LRRC7: variants seen among roughly 807,000 people sequenced by gnomAD.
LRRC7 encodes leucine-rich repeat-containing protein 7.
LRRC7 carries 23 observed loss-of-function variants against 175.7 expected under a neutral mutation model. That is an observed-to-expected ratio of 0.13 (90% CI 0.09 to 0.19). The LOEUF (loss-of-function observed/expected upper bound fraction) is 0.19. Ranked by LOEUF, LRRC7 falls within the 10% of genes least tolerant of loss-of-function variation. The pLI, the probability that LRRC7 is intolerant of heterozygous loss-of-function variation, is 1.00. For synonymous variants in LRRC7, 685 were observed against 680.9 expected (o/e 1.01, Z -0.09); for missense variants, 1,354 against 1,904.7 (o/e 0.71, Z 5.38).
intron 1 of LRRC7, among the ~76,000 whole-genome samples, chr1:69,653,375 C>T (rs1032432406): frequency 8.0e-5 from 12 of 150,038 alleles, no homozygotes; most frequent in Non-Finnish European, 1.6e-4. Flanking sequence ...TGAAAAGATG[C>T]TCAGCATCAC....
chr1:69,595,836 A>G (rs1027620453), intron 1 of LRRC7, among the ~76,000 whole-genome samples: 2 of 152,016 alleles, frequency 1.3e-5, no homozygotes, highest in Non-Finnish European at 2.9e-5. Flanking sequence ...CTTAACTACA[A>G]TTATACCATT....
chr1:69,787,698 G>A (rs1438313290), intron 3 of LRRC7, among the ~76,000 whole-genome samples: 3 of 152,138 alleles, frequency 2.0e-5, no homozygotes, highest in Non-Finnish European at 4.4e-5. Context: ...TGCCGCAAAG[G>A]TCTCCGACAT....
intron 11 of LRRC7, among the ~76,000 whole-genome samples, chr1:70,004,187 A>G (rs750362417): frequency 2.0e-5 from 3 of 152,210 alleles, no homozygotes; most frequent in Non-Finnish European, 2.9e-5. Flanking sequence ...CGTTTTCGTC[A>G]TACTTTCACT....
chr1:69,762,222 G>A (rs542003128), intron 3 of LRRC7, among the ~76,000 whole-genome samples: 1 of 151,928 alleles, frequency 6.6e-6, no homozygotes, highest in Non-Finnish European at 1.5e-5. Flanking sequence ...TTGTAAGATA[G>A]GTAGTAAAAA....
chr1:69,873,822 G>GA (rs1473694409), intron 7 of LRRC7: 2 of 156,650 alleles, frequency 1.3e-5, no homozygotes, highest in Non-Finnish European at 2.8e-5. Context: ...ATCAGTCTCA[G>GA]AAAAACATTA....
chr1:69,896,756 C>CA (rs917203494), intron 7 of LRRC7, among the ~76,000 whole-genome samples: 6 of 151,598 alleles, frequency 4.0e-5, no homozygotes, highest in South Asian at 4.2e-4. Flanking sequence ...TTTTCTGCAA[C>CA]AAAAAAAAGA....
At chr1:69,783,185 T>A (rs1342178743) in intron 3 of LRRC7, among the ~76,000 whole-genome samples, 2 of 152,126 alleles carry the variant, frequency 1.3e-5, no homozygotes, top group Non-Finnish European at 2.9e-5. Flanking sequence ...TACCTCCCCA[T>A]CCCCACCTTC....
At chr1:69,647,928 A>G (rs1031618713) in intron 1 of LRRC7, among the ~76,000 whole-genome samples, 2 of 152,194 alleles carry the variant, frequency 1.3e-5, no homozygotes, top group African/African-American at 4.8e-5. Flanking sequence ...AACACATGTA[A>G]AATTCAGTGA....
At chr1:69,879,766 G>A (rs528780292) in intron 7 of LRRC7, 1 of 152,476 alleles carries the variant, frequency 6.6e-6, no homozygotes, top group South Asian at 2.1e-4. Context: ...TTCTAAGGAG[G>A]GGTGAACCAA....
intron 1 of LRRC7, among the ~76,000 whole-genome samples, chr1:69,576,248 G>A (rs1645944986): frequency 8.2e-6 from 1 of 121,960 alleles, no homozygotes; most frequent in Non-Finnish European, 1.9e-5. Context: ...AAGTTACTTT[G>A]GAAGGTCCTT....
intron 2 of LRRC7, among the ~76,000 whole-genome samples, chr1:69,700,221 G>A (rs1028769496): frequency 1.3e-5 from 2 of 152,114 alleles, no homozygotes; most frequent in African/African-American, 4.8e-5. Flanking sequence ...GTGTTTGGGT[G>A]ATAGTTTTAT....
chr1:69,664,608 T>C (rs1658003735), intron 1 of LRRC7, among the ~76,000 whole-genome samples: 1 of 152,232 alleles, frequency 6.6e-6, no homozygotes, highest in Non-Finnish European at 1.5e-5. Context: ...ATCTCTTCTT[T>C]TGAGAAATGT....
chr1:69,656,260 T>C (rs572907747), intron 1 of LRRC7, among the ~76,000 whole-genome samples: 9 of 152,084 alleles, frequency 5.9e-5, no homozygotes, highest in African/African-American at 1.9e-4. Context: ...CAAACATTAC[T>C]CTAAGGAAAT....
chr1:69,612,919 C>T (rs970210437), intron 1 of LRRC7, among the ~76,000 whole-genome samples: 1 of 152,062 alleles, frequency 6.6e-6, no homozygotes, highest in Non-Finnish European at 1.5e-5. Context: ...AAGGCTCATC[C>T]TTCTACTCCC....
At chr1:69,798,803 T>A (rs539327748) in intron 4 of LRRC7, among the ~76,000 whole-genome samples, 1 of 152,274 alleles carries the variant, frequency 6.6e-6, no homozygotes, top group South Asian at 2.1e-4. Context: ...TTTCTAAGAT[T>A]TGCCTTTGGT....
intron 1 of LRRC7, among the ~76,000 whole-genome samples, chr1:69,654,168 GAT>G (rs776952088): frequency 4.0e-5 from 6 of 150,812 alleles, no homozygotes; most frequent in Non-Finnish European, 7.4e-5. Context: ...GAATAGGCAT[GAT>G]ACTAAGCACC....
chr1:69,849,110 A>G (rs994055079), intron 7 of LRRC7, among the ~76,000 whole-genome samples: 1 of 152,058 alleles, frequency 6.6e-6, no homozygotes, highest in African/African-American at 2.4e-5. Flanking sequence ...CTTAACAGCA[A>G]TCTTTTCTAG....
At chr1:69,710,918 T>A (rs1664680702) in intron 2 of LRRC7, among the ~76,000 whole-genome samples, 1 of 152,198 alleles carries the variant, frequency 6.6e-6, no homozygotes, top group Admixed American at 6.5e-5. Flanking sequence ...TTTTAGTTTA[T>A]GAAGACATTT....
Position 69,931,583 on chromosome 1 carries a change from A to G in LRRC7, c.711+13A>G, listed in dbSNP as rs780030910. On this transcript the variant is annotated intron_variant, in intron 8 of 26. Coordinates refer to ENST00000651989, the MANE Select transcript of LRRC7 (RefSeq NM_001370785.2). ...ATTCGGTGAGCTGGTAAGCAAATGC[A>G]TTTTCTAAACCTGATAAATACCCTT... 3 of 1,607,480 alleles carry G rather than the reference A, an allele frequency of 1.9e-6. No individual in the cohort carries two copies. Among genetic ancestry groups the G allele is most frequent in the East Asian group, 2.2e-5 (1 of 44,836 alleles).
Sources: allele counts gnomAD v4.1 joint callset (sites outside exome capture counted in the v4.1 genomes callset), GRCh38; gene constraint gnomAD v4.1.1; transcripts MANE v1.5; gene names NCBI Gene and HGNC (gene_info 2026-07-23, HGNC 2026-07-21).